KIF26B: variants seen among roughly 807,000 people sequenced by gnomAD.
KIF26B encodes kinesin-like protein KIF26B.
In KIF26B, 63 loss-of-function variants were observed where a neutral mutation model predicts 151.2. That is an observed-to-expected ratio of 0.42 (90% CI 0.34 to 0.51). KIF26B has a LOEUF of 0.51. Ranked by LOEUF, KIF26B falls within the 20% of genes least tolerant of loss-of-function variation. The pLI is 0.07. For missense variants in KIF26B, 2,813 were observed against 2,913.6 expected (o/e 0.97, Z 0.79); for synonymous variants, 1,357 against 1,262.1 (o/e 1.08, Z -1.59).
chr1:245,695,582 C>T (rs1358743492), intron 12 of KIF26B, among the ~76,000 whole-genome samples: 1 of 152,212 alleles, frequency 6.6e-6, no homozygotes, highest in Non-Finnish European at 1.5e-5. Context: ...CCAAACCACA[C>T]CTAACCTGAC....
rs535605067 is a variant in KIF26B at position 245,241,109 on chromosome 1, G to GA, written c.465+84430dup. On this transcript the variant is annotated intron_variant, in intron 2 of 14. Coordinates refer to ENST00000407071, the MANE Select transcript of KIF26B (RefSeq NM_018012.4). The surrounding 1 kb of genome is among the most constrained non-coding windows in gnomAD (Gnocchi z 5.0). ...TATTGGGTCAGAATACACCTGTCAG[G>GA]AAAATCATCGGTAGTGAGCAGTTTC... Among the ~76,000 whole-genome samples, 37 of 152,296 alleles carry GA rather than the reference G, an allele frequency of 2.4e-4. No homozygotes were observed. The South Asian group carries it at 2.9e-3, about 12-fold the overall frequency.
At chr1:245,284,191 A>C (rs192043850) in intron 2 of KIF26B, among the ~76,000 whole-genome samples, 1 of 152,130 alleles carries the variant, frequency 6.6e-6, no homozygotes, top group African/African-American at 2.4e-5. Flanking sequence ...CTTTTTATCA[A>C]TGGTATATAG....
chr1:245,244,343 C>T lies in KIF26B; in HGVS notation c.465+87660C>T, dbSNP rs977405020. Among the ~76,000 whole-genome samples the T allele has an allele frequency of 7.2e-5, 11 of 152,070 alleles. No homozygotes were observed. Among genetic ancestry groups the T allele is most frequent in the Non-Finnish European group, 1.6e-4 (11 of 68,018 alleles). On this transcript the variant is annotated intron_variant, in intron 2 of 14. Transcript: ENST00000407071. The surrounding 1 kb of genome is among the most constrained non-coding windows in gnomAD (Gnocchi z 4.2). ...TTACTCTGAAAGACAATCCAAGATA[C>T]GTCAGAGTCTCTTCTTGGGAAATAT...
intron 4 of KIF26B, among the ~76,000 whole-genome samples, chr1:245,450,137 G>A (rs144964513): frequency 3.9e-5 from 6 of 152,114 alleles, no homozygotes; most frequent in South Asian, 2.1e-4. Context: ...TTCTCTTTCC[G>A]TTGGCCCACT....
intron 3 of KIF26B, among the ~76,000 whole-genome samples, chr1:245,390,943 A>AAAAAAAAAAAAAACAAAAC (rs1553270131): frequency 2.5e-5 from 3 of 118,458 alleles, no homozygotes; most frequent in Admixed American, 8.2e-5. Flanking sequence ...AAAAAAAAAA[A>AAAAAAAAAAAAAACAAAAC]AAAAAAAAAC....
At chr1:245,296,232 G>A (rs1671334691) in intron 2 of KIF26B, among the ~76,000 whole-genome samples, 2 of 151,798 alleles carry the variant, frequency 1.3e-5, no homozygotes, top group South Asian at 4.2e-4. Context: ...GAGAACAGGG[G>A]TGCGCAGTGT....
chr1:245,165,767 G>A (rs2103519668), intron 2 of KIF26B, among the ~76,000 whole-genome samples: 1 of 152,294 alleles, frequency 6.6e-6, no homozygotes, highest in Middle Eastern at 3.4e-3. Context: ...GCATAGGGGT[G>A]ACAAAAGGTC....
At chr1:245,156,805 C>A in intron 2 of KIF26B, 122 bp downstream of exon 2, 1 of 551,066 alleles carries the variant, frequency 1.8e-6, no homozygotes, top group Non-Finnish European at 2.8e-6. Flanking sequence ...CCCCCGGCGG[C>A]GCTGGGGATG....
intron 2 of KIF26B, among the ~76,000 whole-genome samples, chr1:245,163,445 A>G (rs370786897): frequency 1.8e-4 from 27 of 152,228 alleles, no homozygotes; most frequent in African/African-American, 6.5e-4. Flanking sequence ...CTTGGCCCAC[A>G]CTATTTTAAT....
intron 2 of KIF26B, among the ~76,000 whole-genome samples, chr1:245,215,655 G>C (rs150928016): frequency 3.5e-4 from 53 of 152,344 alleles, no homozygotes; most frequent in African/African-American, 1.2e-3. Flanking sequence ...TGGAATCGAA[G>C]CTGGTCTCTG....
intron 12 of KIF26B, among the ~76,000 whole-genome samples, chr1:245,696,394 G>A (rs1245519837): frequency 1.3e-5 from 2 of 152,164 alleles, no homozygotes; most frequent in African/African-American, 4.8e-5. Flanking sequence ...GCCTTCAGAT[G>A]AGTGCAGCCC....
Position 245,391,987 on chromosome 1 carries a change from G to A in KIF26B, c.999+24620G>A, listed in dbSNP as rs982838854. Among the ~76,000 whole-genome samples the A allele has an allele frequency of 2.6e-5, 4 of 151,142 alleles. No homozygotes were observed. The East Asian group carries it at 5.8e-4, about 22-fold the overall frequency. Reference sequence around the variant, plus strand: ...TATAACTCCTATGCTGGAACATTTCGAGAGCAGAGTTACAGAACAAGAAGG... The same window carrying A: ...TATAACTCCTATGCTGGAACATTTCAAGAGCAGAGTTACAGAACAAGAAGG... On this transcript the variant is annotated intron_variant, in intron 3 of 14. Transcript: ENST00000407071.
intron 4 of KIF26B, among the ~76,000 whole-genome samples, chr1:245,449,422 G>T (rs886992104): frequency 4.6e-5 from 7 of 151,978 alleles, no homozygotes; most frequent in Non-Finnish European, 8.8e-5. Flanking sequence ...CCTGTGAATT[G>T]CATTTGTTTA....
At chr1:245,433,086 C>T (rs1217199690) in intron 4 of KIF26B, among the ~76,000 whole-genome samples, 1 of 152,098 alleles carries the variant, frequency 6.6e-6, no homozygotes, top group Middle Eastern at 3.2e-3. Context: ...GCATCATATC[C>T]ATTAATAAAT....
At chr1:245,462,846 GTGAATGAATGAATGAATGAA>G (rs57966712) in intron 4 of KIF26B, among the ~76,000 whole-genome samples, 2 of 150,788 alleles carry the variant, frequency 1.3e-5, no homozygotes, top group East Asian at 2.0e-4. Context: ...AGAAATCAGT[GTGAATGAATGAATGAATGAA>G]TGAATGAATG....
At chr1:245,255,155 A>T (rs1670509728) in intron 2 of KIF26B, among the ~76,000 whole-genome samples, 1 of 152,174 alleles carries the variant, frequency 6.6e-6, no homozygotes, top group South Asian at 2.1e-4. Context: ...GCCCTCCACC[A>T]TGTTATGACC....
chr1:245,683,030 C>T (rs144966058), intron 10 of KIF26B, among the ~76,000 whole-genome samples: 168 of 152,290 alleles, frequency 1.1e-3, no homozygotes, highest in African/African-American at 3.9e-3. Flanking sequence ...AGCCCAGCGT[C>T]GCCAAACTTA....
chr1:245,309,495 C>G (rs567113273), intron 2 of KIF26B, among the ~76,000 whole-genome samples: 1 of 151,954 alleles, frequency 6.6e-6, no homozygotes, highest in South Asian at 2.1e-4. Flanking sequence ...GATGGAATGA[C>G]GCCATCGGGT....
At chr1:245,382,438 T>C (rs1558144643) in intron 3 of KIF26B, among the ~76,000 whole-genome samples, 1 of 152,176 alleles carries the variant, frequency 6.6e-6, no homozygotes, top group South Asian at 2.1e-4. Flanking sequence ...TCCCCTAGTA[T>C]AGCATCTATG....
Sources: gnomAD v4.1 joint callset for allele counts (sites outside exome capture counted in the v4.1 genomes callset) on GRCh38, gnomAD v4.1.1 for gene constraint, Gnocchi (gnomAD v3.1) non-coding constraint, MANE v1.5 for transcripts, NCBI Gene and HGNC (gene_info 2026-07-23, HGNC 2026-07-21) for gene names.